The following DLGAP1 variants were observed in gnomAD, a reference collection of about 807,000 sequenced individuals.
DLGAP1 encodes the protein disks large-associated protein 1.
Under a neutral mutation model 90.8 loss-of-function variants are expected in DLGAP1, and 11 were observed. The observed-to-expected ratio is 0.12, with a 90% confidence interval of 0.08 to 0.20. The LOEUF is 0.20. DLGAP1 is among the 10% of genes least tolerant of loss of function. The pLI is 1.00. For missense variants in DLGAP1, 1,050 were observed against 1,333.8 expected, an observed-to-expected ratio of 0.79 and a Z score of 3.31; for synonymous variants, 558 against 540.7, an observed-to-expected ratio of 1.03 and a Z score of -0.44.
intron 7 of DLGAP1, among the ~76,000 whole-genome samples, chr18:3,626,260 C>T (rs1347327164): frequency 6.7e-6 from 1 of 149,406 alleles, no homozygotes; most frequent in African/African-American, 2.5e-5. Context: ...CAGTGCACTC[C>T]AGCCTGGGCT....
intron 10 of DLGAP1, among the ~76,000 whole-genome samples, chr18:3,523,618 A>C (rs575781293): frequency 0.019 from 2,836 of 151,504 alleles, 42 homozygotes; most frequent in African/African-American, 0.041. Context: ...GAGGCCAAGG[A>C]GGGCGGATCA....
intron 1 of DLGAP1, among the ~76,000 whole-genome samples, chr18:4,361,956 C>G (rs79847342): frequency 6.6e-6 from 1 of 152,070 alleles, no homozygotes; most frequent in African/African-American, 2.4e-5. Context: ...GGAAGATATA[C>G]GCATGGCCAA....
intron 2 of DLGAP1, among the ~76,000 whole-genome samples, chr18:4,046,832 T>C (rs2075061715): frequency 6.6e-6 from 1 of 152,220 alleles, no homozygotes; most frequent in Non-Finnish European, 1.5e-5. Context: ...GATAGATACA[T>C]GGGTCTGAAG....
At chr18:4,269,352 A>ATTTTTTTT (rs1354735064) in intron 1 of DLGAP1, among the ~76,000 whole-genome samples, 4 of 131,260 alleles carry the variant, frequency 3.0e-5, no homozygotes, top group Admixed American at 7.8e-5. Flanking sequence ...ATATATATAT[A>ATTTTTTTT]TATTTTTTTT....
chr18:3,596,276 C>T (rs1014478175), intron 7 of DLGAP1, among the ~76,000 whole-genome samples: 1 of 152,084 alleles, frequency 6.6e-6, no homozygotes, highest in Non-Finnish European at 1.5e-5. Flanking sequence ...TCTCCTGCCT[C>T]AGCCTCTCGT....
intron 4 of DLGAP1, 50 bp from the exon 5 acceptor site, chr18:3,814,323 T>C: frequency 6.6e-7 from 1 of 1,518,186 alleles, no homozygotes. Context: ...GCCTACCTTT[T>C]TCTTTTCTTT....
chr18:4,432,497 TTA>T (rs1258001170), intron 1 of DLGAP1, among the ~76,000 whole-genome samples: 1 of 126,350 alleles, frequency 7.9e-6, no homozygotes, highest in Admixed American at 8.2e-5. Context: ...TTTTTAAAAA[TTA>T]TATATATTTA....
intron 2 of DLGAP1, among the ~76,000 whole-genome samples, chr18:4,146,453 G>A (rs911967510): frequency 1.3e-5 from 2 of 152,048 alleles, no homozygotes; most frequent in East Asian, 1.9e-4. Context: ...ATTTTGTGTC[G>A]GATTTTAGGT....
chr18:4,306,473 G>C (rs1301254702), intron 1 of DLGAP1, among the ~76,000 whole-genome samples: 2 of 151,034 alleles, frequency 1.3e-5, no homozygotes, highest in Non-Finnish European at 3.0e-5. Context: ...GAGAGAGAGA[G>C]AGACAGACAG....
intron 7 of DLGAP1, among the ~76,000 whole-genome samples, chr18:3,624,823 G>A (rs1026727614): frequency 3.3e-5 from 5 of 152,004 alleles, no homozygotes; most frequent in African/African-American, 9.7e-5. Context: ...ATGCACCCAG[G>A]GGGAATCTCA....
intron 1 of DLGAP1, among the ~76,000 whole-genome samples, chr18:4,163,703 CCT>C (rs1217366505): frequency 6.6e-6 from 1 of 152,112 alleles, no homozygotes; most frequent in African/African-American, 2.4e-5. Flanking sequence ...ATGCTGGGAG[CCT>C]CTTTTTATTT....
chr18:3,609,293 C>A (rs978406023), intron 7 of DLGAP1, among the ~76,000 whole-genome samples: 2 of 152,152 alleles, frequency 1.3e-5, no homozygotes, highest in Non-Finnish European at 2.9e-5. Flanking sequence ...GTGATCCTCC[C>A]ACCTTGGCCT....
intron 5 of DLGAP1, among the ~76,000 whole-genome samples, chr18:3,805,788 G>A (rs1047744604): frequency 3.9e-5 from 6 of 152,220 alleles, no homozygotes; most frequent in African/African-American, 1.4e-4. Flanking sequence ...AAAGGTCTCA[G>A]AGGAATATAA....
chr18:3,604,117 C>G (rs1283371918), intron 7 of DLGAP1: 1 of 152,826 alleles, frequency 6.5e-6, no homozygotes, highest in African/African-American at 2.4e-5. Flanking sequence ...TGTAAAGAAG[C>G]TAACTCCTGC....
intron 1 of DLGAP1, among the ~76,000 whole-genome samples, chr18:4,316,794 TC>T (rs2080539538): frequency 6.6e-6 from 1 of 152,192 alleles, no homozygotes; most frequent in Non-Finnish European, 1.5e-5. Flanking sequence ...TCTTCCTGAG[TC>T]CGGTTACTGA....
intron 2 of DLGAP1, among the ~76,000 whole-genome samples, chr18:4,105,782 G>T (rs4798170): frequency 0.15 from 22,916 of 152,138 alleles, 1,792 homozygotes; most frequent in Middle Eastern, 0.2. Flanking sequence ...TGTAATCCCA[G>T]CACTTTGGGA....
chr18:3,979,581 G>C (rs936099128), intron 3 of DLGAP1, among the ~76,000 whole-genome samples: 3 of 152,238 alleles, frequency 2.0e-5, no homozygotes, highest in African/African-American at 7.2e-5. Context: ...GATAGGGAAA[G>C]AAAAGATGTT....
rs2081201443 is a variant in DLGAP1 at position 4,342,057 on chromosome 18, T to C, written c.-267+112949A>G. On this transcript the variant is annotated intron_variant, in intron 1 of 12. Coordinates refer to ENST00000315677, the MANE Select transcript of DLGAP1 (RefSeq NM_004746.4). The surrounding 1 kb of genome is among the most constrained non-coding windows in gnomAD (Gnocchi z 5.8). ...ATCATCTTCAGAATTTCTGAGCGGA[T>C]AAAGTCCTCGGCATGCGGTGAACAC... 6.6e-6 allele frequency among the ~76,000 whole-genome samples: 1 copy of C among 152,158 alleles called. No homozygotes were observed. The highest frequency in any genetic ancestry group is 2.4e-5 in the African/African-American group (1 of 41,438).
At chr18:4,112,908 C>T (rs2075998384) in intron 2 of DLGAP1, among the ~76,000 whole-genome samples, 1 of 152,036 alleles carries the variant, frequency 6.6e-6, no homozygotes, top group Admixed American at 6.6e-5. Flanking sequence ...TGGCCTTTAG[C>T]TGAATCCATG....
Sources: gnomAD v4.1 joint callset for allele counts (sites outside exome capture counted in the v4.1 genomes callset) on GRCh38, gnomAD v4.1.1 for gene constraint, Gnocchi (gnomAD v3.1) non-coding constraint, MANE v1.5 for transcripts, NCBI Gene and HGNC (gene_info 2026-07-23, HGNC 2026-07-21) for gene names.